The following EPHA5 variants were observed in gnomAD, a reference collection of about 807,000 sequenced individuals.
EPHA5 encodes the protein ephrin type-A receptor 5.
In EPHA5, 60 loss-of-function variants were observed where a neutral mutation model predicts 105.0. That is an observed-to-expected ratio of 0.57 (90% CI 0.46 to 0.71). The LOEUF (loss-of-function observed/expected upper bound fraction) is 0.71. Among genes scored for constraint, EPHA5 ranks in the 30% least tolerant of loss-of-function variants. EPHA5 has a pLI of 0.00. For synonymous variants in EPHA5, 513 were observed against 449.1 expected, an observed-to-expected ratio of 1.14 and a Z score of -1.80; for missense variants, 1,218 against 1,274.7, an observed-to-expected ratio of 0.96 and a Z score of 0.68.
intron 5 of EPHA5, among the ~76,000 whole-genome samples, chr4:65,473,454 G>A (rs1035430205): frequency 6.6e-6 from 1 of 152,160 alleles, no homozygotes; most frequent in Non-Finnish European, 1.5e-5. Flanking sequence ...TCATAGCTGG[G>A]AGGCCTCAGG....
chr4:65,584,820 T>C (rs1286392499), intron 3 of EPHA5, among the ~76,000 whole-genome samples: 1 of 152,012 alleles, frequency 6.6e-6, no homozygotes, highest in Non-Finnish European at 1.5e-5. Flanking sequence ...GAAAGTATTG[T>C]TAAAAAATCT....
At chr4:65,387,976 C>CCCCCCA (rs1441345806) in intron 8 of EPHA5, among the ~76,000 whole-genome samples, 1 of 79,572 alleles carries the variant, frequency 1.3e-5, no homozygotes. Flanking sequence ...CCTCCCCCCA[C>CCCCCCA]CCCACAACAG....
At chr4:65,640,690 G>A (rs1646625468) in intron 2 of EPHA5, among the ~76,000 whole-genome samples, 2 of 152,126 alleles carry the variant, frequency 1.3e-5, no homozygotes, top group Admixed American at 6.6e-5. Context: ...GTCTGTGTGT[G>A]CATGTTGGGA....
At chr4:65,446,527 A>G (rs1478730660) in intron 5 of EPHA5, among the ~76,000 whole-genome samples, 1 of 152,222 alleles carries the variant, frequency 6.6e-6, no homozygotes. Context: ...GGAAATAACT[A>G]TAGTGGTAGG....
At chr4:65,339,139 T>C (rs1721461178) in intron 14 of EPHA5, among the ~76,000 whole-genome samples, 1 of 152,150 alleles carries the variant, frequency 6.6e-6, no homozygotes, top group Non-Finnish European at 1.5e-5. Context: ...TTCCAATTCC[T>C]AAAAACATAA....
chr4:65,324,057 C>T lies in EPHA5; in HGVS notation c.*57G>A, dbSNP rs143895090. 4.9e-4 allele frequency: 553 copies of T among 1,126,200 alleles called. 6 individuals are homozygous for T. In the East Asian group the frequency reaches 0.013, roughly 26 times the overall value. 69.8% of individuals were successfully genotyped at this position (1,126,200 alleles called of 1,614,324 possible). ...CCCCTTTTTTTGTTAAAATAAATCTCAGTGCTGTTTACAAAGTGCAGAATC... is the reference window on the plus strand; with the variant it reads ...CCCCTTTTTTTGTTAAAATAAATCTTAGTGCTGTTTACAAAGTGCAGAATC... On this transcript the variant is annotated 3_prime_UTR_variant, in exon 17 of 17. Coordinates refer to ENST00000613740, the MANE Select transcript of EPHA5 (RefSeq NM_001281766.3).
intron 3 of EPHA5, among the ~76,000 whole-genome samples, chr4:65,522,332 A>T (rs1430556153): frequency 6.7e-6 from 1 of 150,124 alleles, no homozygotes; most frequent in Non-Finnish European, 1.5e-5. Context: ...ATATATATAT[A>T]TAAAATCAAC....
intron 5 of EPHA5, among the ~76,000 whole-genome samples, chr4:65,435,471 T>A (rs1725389688): frequency 6.6e-6 from 1 of 152,122 alleles, no homozygotes; most frequent in African/African-American, 2.4e-5. Context: ...ATTACAAGCT[T>A]TGATACTGAT....
At chr4:65,556,650 T>G (rs147085053) in intron 3 of EPHA5, among the ~76,000 whole-genome samples, 1 of 152,300 alleles carries the variant, frequency 6.6e-6, no homozygotes, top group Non-Finnish European at 1.5e-5. Context: ...CTGATTACTA[T>G]AGTAATATTA....
chr4:65,429,362 A>C (rs1724762255), intron 5 of EPHA5, among the ~76,000 whole-genome samples: 1 of 152,024 alleles, frequency 6.6e-6, no homozygotes, highest in Non-Finnish European at 1.5e-5. Context: ...AGTAGTAATT[A>C]GCTCAGAAAC....
intron 3 of EPHA5, among the ~76,000 whole-genome samples, chr4:65,557,383 CT>C (rs1338927507): frequency 2.6e-5 from 4 of 151,144 alleles, no homozygotes; most frequent in Non-Finnish European, 4.4e-5. Context: ...TAGTTAAATA[CT>C]TTTTCCAACT....
chr4:65,642,764 A>G, intron 2 of EPHA5, among the ~76,000 whole-genome samples: 1 of 152,016 alleles, frequency 6.6e-6, no homozygotes, highest in East Asian at 1.9e-4. Flanking sequence ...TTACTCTAAA[A>G]TTAACCTTTG....
At chr4:65,649,559 A>C (rs1170534898) in intron 1 of EPHA5, among the ~76,000 whole-genome samples, 4 of 152,198 alleles carry the variant, frequency 2.6e-5, no homozygotes, top group Admixed American at 2.6e-4. Context: ...TATATTCAAA[A>C]ATAAACCTCA....
chr4:65,530,472 G>A (rs760724930), intron 3 of EPHA5, among the ~76,000 whole-genome samples: 2 of 151,942 alleles, frequency 1.3e-5, no homozygotes, highest in Non-Finnish European at 2.9e-5. Flanking sequence ...GTTTGTACAG[G>A]AGCACAAAGG....
intron 1 of EPHA5, among the ~76,000 whole-genome samples, chr4:65,658,898 C>A (rs1042036933): frequency 3.3e-5 from 5 of 152,054 alleles, no homozygotes; most frequent in Non-Finnish European, 4.4e-5. Context: ...TTGAGCTTCT[C>A]TAATCTATTC....
chr4:65,333,616 T>A (rs1261693697), intron 15 of EPHA5, among the ~76,000 whole-genome samples: 1 of 145,836 alleles, frequency 6.9e-6, no homozygotes, highest in Non-Finnish European at 1.5e-5. Flanking sequence ...TGCTAGTCTT[T>A]TTTTTTTTTT....
intron 3 of EPHA5, among the ~76,000 whole-genome samples, chr4:65,576,229 C>T (rs1741039527): frequency 6.6e-6 from 1 of 152,036 alleles, no homozygotes; most frequent in South Asian, 2.1e-4. Flanking sequence ...GTATGCATGA[C>T]ATTTGCCAAT....
intron 13 of EPHA5, among the ~76,000 whole-genome samples, chr4:65,348,694 A>G (rs1722478917): frequency 1.8e-4 from 5 of 28,010 alleles, no homozygotes; most frequent in Admixed American, 3.6e-4. Flanking sequence ...ATATATATAT[A>G]TATAAAATAT....
chr4:65,651,657 T>C (rs868106165), intron 1 of EPHA5, among the ~76,000 whole-genome samples: 2 of 152,222 alleles, frequency 1.3e-5, no homozygotes, highest in Non-Finnish European at 1.5e-5. Flanking sequence ...TTCATCTTTA[T>C]TTATTTTACC....
Sources: gnomAD v4.1 joint callset for allele counts (sites outside exome capture counted in the v4.1 genomes callset) on GRCh38, gnomAD v4.1.1 for gene constraint, MANE v1.5 for transcripts, NCBI Gene and HGNC (gene_info 2026-07-23, HGNC 2026-07-21) for gene names.